The following COL24A1 variants were observed in gnomAD, a reference collection of about 807,000 sequenced individuals.
COL24A1 encodes collagen alpha-1(XXIV) chain.
Under a neutral mutation model 253.9 loss-of-function variants are expected in COL24A1, and 224 were observed. That is an observed-to-expected ratio of 0.88 (90% CI 0.79 to 0.99). The LOEUF (loss-of-function observed/expected upper bound fraction) is 0.99. COL24A1 is among the 50% of genes least tolerant of loss of function. The pLI, the probability that COL24A1 is intolerant of heterozygous loss-of-function variation, is 0.00. For synonymous variants in COL24A1, 685 were observed against 673.7 expected (o/e 1.02, Z -0.26); for missense variants, 2,131 against 2,068.5 (o/e 1.03, Z -0.59).
At chr1:85,804,688 G>C (rs1050700365) in intron 47 of COL24A1, among the ~76,000 whole-genome samples, 2 of 152,036 alleles carry the variant, frequency 1.3e-5, no homozygotes, top group Non-Finnish European at 2.9e-5. Flanking sequence ...TCACTATCAC[G>C]AGAACAGCAT....
At chr1:85,737,205 T>C (rs1469068265) in intron 58 of COL24A1, among the ~76,000 whole-genome samples, 191 bp downstream of exon 58, 1 of 152,100 alleles carries the variant, frequency 6.6e-6, no homozygotes, top group Non-Finnish European at 1.5e-5. Context: ...AAAGACACAA[T>C]CAAAATGTCA....
chr1:85,981,715 C>T (rs971885431), intron 20 of COL24A1, among the ~76,000 whole-genome samples: 14 of 152,116 alleles, frequency 9.2e-5, no homozygotes, highest in East Asian at 5.8e-4. Flanking sequence ...AGTCAACCTA[C>T]GTAATGGAAA....
chr1:86,030,751 T>C (rs1304561350), intron 14 of COL24A1, among the ~76,000 whole-genome samples: 1 of 64,532 alleles, frequency 1.5e-5, no homozygotes, highest in African/African-American at 7.9e-5. Context: ...TTTTTCTTTC[T>C]TTTTTTTTTT....
chr1:85,969,277 A>G, intron 22 of COL24A1, among the ~76,000 whole-genome samples: 1 of 152,112 alleles, frequency 6.6e-6, no homozygotes, highest in East Asian at 1.9e-4. Flanking sequence ...GAAAGAAATA[A>G]TCACAGTCTT....
intron 13 of COL24A1, among the ~76,000 whole-genome samples, chr1:86,033,011 C>T (rs537838951): frequency 2.6e-5 from 4 of 152,058 alleles, no homozygotes; most frequent in Non-Finnish European, 5.9e-5. Context: ...GGTAAACATT[C>T]CACTTAAAAC....
intron 7 of COL24A1, among the ~76,000 whole-genome samples, chr1:86,074,512 A>C: frequency 6.6e-6 from 1 of 152,172 alleles, no homozygotes; most frequent in East Asian, 1.9e-4. Context: ...ATAGTGGGAG[A>C]CTTTAACACC....
intron 22 of COL24A1, among the ~76,000 whole-genome samples, chr1:85,968,571 T>C (rs552227972): frequency 6.6e-6 from 1 of 152,316 alleles, no homozygotes; most frequent in Admixed American, 6.5e-5. Context: ...TAAATATCAA[T>C]TGTTCTCTAC....
chr1:86,013,533 T>C (rs906933758), intron 19 of COL24A1, among the ~76,000 whole-genome samples: 5 of 152,314 alleles, frequency 3.3e-5, no homozygotes, highest in Admixed American at 1.3e-4. Context: ...GCCTCTTACA[T>C]TTCAAACTAA....
intron 24 of COL24A1, among the ~76,000 whole-genome samples, chr1:85,934,776 A>G (rs1424225021): frequency 6.6e-6 from 1 of 152,146 alleles, no homozygotes; most frequent in Non-Finnish European, 1.5e-5. Context: ...TTATGCAGGC[A>G]GAACTGAGTA....
chr1:86,058,030 T>A, intron 9 of COL24A1, 55 bp from the exon 10 acceptor site: 1 of 1,423,198 alleles, frequency 7.0e-7, no homozygotes, highest in Non-Finnish European at 9.7e-7. Flanking sequence ...AAAGAGTTAA[T>A]AAATAGATTA....
At chr1:86,066,337 C>T (rs986400335) in intron 7 of COL24A1, among the ~76,000 whole-genome samples, 2 of 147,146 alleles carry the variant, frequency 1.4e-5, no homozygotes, top group African/African-American at 5.0e-5. Flanking sequence ...CTCCCGGGTT[C>T]GCGCCATTCT....
intron 3 of COL24A1, among the ~76,000 whole-genome samples, chr1:86,123,537 C>G (rs1431303103): frequency 1.3e-5 from 2 of 151,928 alleles, no homozygotes; most frequent in Non-Finnish European, 2.9e-5. Context: ...ATAGCAGAGA[C>G]TAAGTAAATA....
chr1:86,014,732 G>A (rs940913368), intron 19 of COL24A1, among the ~76,000 whole-genome samples: 1 of 152,028 alleles, frequency 6.6e-6, no homozygotes, highest in African/African-American at 2.4e-5. Flanking sequence ...ACTGTTTTAT[G>A]TATTGTGAAT....
At chr1:85,947,236 A>T (rs974487943) in intron 24 of COL24A1, among the ~76,000 whole-genome samples, 1 of 152,226 alleles carries the variant, frequency 6.6e-6, no homozygotes, top group Non-Finnish European at 1.5e-5. Context: ...AACTGATCCT[A>T]GTTGCTACCA....
intron 52 of COL24A1, among the ~76,000 whole-genome samples, chr1:85,778,605 AT>A (rs369650547): frequency 2.0e-4 from 27 of 138,328 alleles, no homozygotes; most frequent in African/African-American, 5.1e-4. Context: ...TTATTCTTCA[AT>A]TTTTTTTTTT....
At chr1:86,065,481 C>T (rs183161290) in intron 7 of COL24A1, among the ~76,000 whole-genome samples, 40 of 152,200 alleles carry the variant, frequency 2.6e-4, no homozygotes, top group Admixed American at 1.2e-3. Context: ...TTCAGAGACC[C>T]TGACAAGGTG....
intron 24 of COL24A1, among the ~76,000 whole-genome samples, chr1:85,946,303 T>C (rs1007165808): frequency 6.6e-6 from 1 of 152,004 alleles, no homozygotes; most frequent in African/African-American, 2.4e-5. Flanking sequence ...CCGCACCGGG[T>C]TTCCGCGGGA....
intron 2 of COL24A1, among the ~76,000 whole-genome samples, chr1:86,135,853 T>G (rs1336070367): frequency 6.6e-6 from 1 of 152,076 alleles, no homozygotes; most frequent in Non-Finnish European, 1.5e-5. Flanking sequence ...CCTTACATGT[T>G]TCCTTATTGT....
intron 31 of COL24A1, among the ~76,000 whole-genome samples, chr1:85,892,800 C>T (rs1209021629): frequency 6.6e-6 from 1 of 151,900 alleles, no homozygotes; most frequent in Non-Finnish European, 1.5e-5. Flanking sequence ...TATTTTGTGG[C>T]ACTTCACAAT....
Sources: allele counts gnomAD v4.1 joint callset (sites outside exome capture counted in the v4.1 genomes callset), GRCh38; gene constraint gnomAD v4.1.1; transcripts MANE v1.5; gene names NCBI Gene and HGNC (gene_info 2026-07-23, HGNC 2026-07-21).